Variants in LARP1B observed in about 807,000 individuals in gnomAD.
LARP1B encodes the protein la-related protein 1B.
Under a neutral mutation model 114.2 loss-of-function variants are expected in LARP1B, and 76 were observed. The ratio of observed to expected loss-of-function variants is 0.67; its 90% CI spans 0.55 to 0.81. LARP1B has a LOEUF of 0.81. LARP1B is among the 30% of genes least tolerant of loss of function. The pLI is 0.00. For synonymous variants in LARP1B, 345 were observed against 348.0 expected (o/e 0.99, Z 0.10); for missense variants, 1,014 against 1,075.8 (o/e 0.94, Z 0.80).
chr4:128,206,626 T>C, intron 18 of LARP1B, 89 bp downstream of exon 18: 1 of 1,493,260 alleles, frequency 6.7e-7, no homozygotes, highest in South Asian at 1.4e-5. Context: ...ATAGTTTTTT[T>C]CTTCAGGGCA....
intron 3 of LARP1B, among the ~76,000 whole-genome samples, chr4:128,075,941 C>T (rs1049612261): frequency 2.0e-5 from 3 of 152,146 alleles, no homozygotes; most frequent in Admixed American, 6.6e-5. Flanking sequence ...GTGCTGAAAA[C>T]GTGGCAGCTA....
intron 11 of LARP1B, chr4:128,156,069 T>G: frequency 6.3e-7 from 1 of 1,593,752 alleles, no homozygotes; most frequent in Non-Finnish European, 8.5e-7. Flanking sequence ...CCTCCCTAAC[T>G]CCTTTCACCC....
rs2150701948 is a variant in LARP1B at position 128,182,109 on chromosome 4, G to GT, written c.2003+2597_2003+2598insT. On this transcript the variant is annotated intron_variant, in intron 15 of 19. Transcript: ENST00000326639. ...TTACAGGCATGAGCCACTGCACCCG[G>GT]CCTTTTTTTTTTTTTTTTTTTTGAG... is the stretch of plus-strand genomic sequence containing the variant. Among the ~76,000 whole-genome samples, 4 of 108,404 alleles carry GT rather than the reference G, an allele frequency of 3.7e-5. 1 individual carries two copies. Among genetic ancestry groups the GT allele is most frequent in the East Asian group, 2.6e-4 (1 of 3,916 alleles). The allele number at this position is 108,404 out of a possible 152,430, so 71.1% of individuals were successfully genotyped here. A position where few individuals can be genotyped will look rare whatever the true frequency, so the allele number is the denominator to read the frequency against.
chr4:128,163,391 T>C (rs1739362336), intron 12 of LARP1B, among the ~76,000 whole-genome samples: 1 of 152,186 alleles, frequency 6.6e-6, no homozygotes, highest in African/African-American at 2.4e-5. Context: ...TAGTATTGAA[T>C]ACTATTAGGA....
chr4:128,095,920 T>C (rs908603048), intron 7 of LARP1B, among the ~76,000 whole-genome samples: 2 of 152,128 alleles, frequency 1.3e-5, no homozygotes, highest in African/African-American at 2.4e-5. Context: ...CATTCTTCTC[T>C]ATATTTTCCC....
At chr4:128,117,273 G>T (rs1384011799) in intron 10 of LARP1B, among the ~76,000 whole-genome samples, 6 of 151,050 alleles carry the variant, frequency 4.0e-5, no homozygotes, top group African/African-American at 1.5e-4. Context: ...GCAATGGTGT[G>T]ATCTTAGCTC....
intron 11 of LARP1B, among the ~76,000 whole-genome samples, chr4:128,129,158 C>A (rs1170088765): frequency 5.9e-5 from 5 of 84,554 alleles, no homozygotes; most frequent in African/African-American, 2.3e-4. Context: ...GAGCGAGACT[C>A]TGTCTCAAAA....
chr4:128,203,581 C>T (rs958834644), intron 17 of LARP1B, among the ~76,000 whole-genome samples: 4 of 152,010 alleles, frequency 2.6e-5, no homozygotes, highest in African/African-American at 9.7e-5. Context: ...ACCATATTGG[C>T]CAGGCTGGTC....
At chr4:128,141,024 C>T (rs927101157) in intron 11 of LARP1B, among the ~76,000 whole-genome samples, 6 of 152,022 alleles carry the variant, frequency 3.9e-5, no homozygotes, top group South Asian at 2.1e-4. Context: ...TCATCTTGGC[C>T]AGGCTGGTCT....
At chr4:128,207,475 T>G in intron 19 of LARP1B, 92 bp downstream of exon 19, 1 of 877,116 alleles carries the variant, frequency 1.1e-6, no homozygotes, top group Non-Finnish European at 1.6e-6. Flanking sequence ...TTGTAATTTT[T>G]ATTTTTTAAC....
intron 9 of LARP1B, chr4:128,108,997 T>A (rs1054448287): frequency 8.7e-6 from 2 of 229,738 alleles, no homozygotes; most frequent in Non-Finnish European, 1.4e-5. Flanking sequence ...ATGTCATAAA[T>A]TTTAGGTTAT....
chr4:128,133,124 GC>G (rs1792098343), intron 11 of LARP1B, among the ~76,000 whole-genome samples: 1 of 152,108 alleles, frequency 6.6e-6, no homozygotes, highest in African/African-American at 2.4e-5. Context: ...TTGCTCACTT[GC>G]CCACCCACCA....
In LARP1B at chr4:128,200,516, T is replaced by G; in HGVS notation, c.2165-5T>G. 7.0e-7 allele frequency: 1 copy of G among 1,429,530 alleles called. No homozygotes were observed. Among genetic ancestry groups the G allele is most frequent in the African/African-American group, 1.5e-5 (1 of 67,974 alleles). The allele number at this position is 1,429,530 out of a possible 1,614,324, so 88.6% of individuals were successfully genotyped here. Reference sequence around the variant, plus strand: ...TAAAATAATATTTTATTTAACTTTTTTCAGAGAGAAAACGCTTGGGAATTG... The same window carrying G: ...TAAAATAATATTTTATTTAACTTTTGTCAGAGAGAAAACGCTTGGGAATTG... On this transcript the variant is annotated splice_region_variant and splice_polypyrimidine_tract_variant and intron_variant, in intron 16 of 19. Coordinates refer to ENST00000326639, the MANE Select transcript of LARP1B (RefSeq NM_018078.4).
chr4:128,137,007 A>G (rs769753778), intron 11 of LARP1B, among the ~76,000 whole-genome samples: 7 of 152,226 alleles, frequency 4.6e-5, no homozygotes, highest in Non-Finnish European at 7.3e-5. Context: ...CAAAGAAGAA[A>G]TTAATGGAAA....
At chr4:128,149,676 A>C (rs1176026867) in intron 11 of LARP1B, among the ~76,000 whole-genome samples, 1 of 152,190 alleles carries the variant, frequency 6.6e-6, no homozygotes, top group Non-Finnish European at 1.5e-5. Context: ...TATTTATGTA[A>C]AATGTCTTTT....
At chr4:128,169,105 A>G (rs1330348629) in intron 12 of LARP1B, among the ~76,000 whole-genome samples, 1 of 151,758 alleles carries the variant, frequency 6.6e-6, no homozygotes, top group Non-Finnish European at 1.5e-5. Flanking sequence ...TTCTGTAGAG[A>G]TATCTCTTCT....
chr4:128,093,203 G>A (rs1307851866), intron 7 of LARP1B, among the ~76,000 whole-genome samples: 2 of 152,134 alleles, frequency 1.3e-5, no homozygotes, highest in African/African-American at 4.8e-5. Flanking sequence ...GTGGAGATGT[G>A]GCTTTGAAGG....
chr4:128,175,915 T>C (rs564424754), intron 12 of LARP1B, among the ~76,000 whole-genome samples: 1 of 151,692 alleles, frequency 6.6e-6, no homozygotes, highest in Non-Finnish European at 1.5e-5. Context: ...TGAGGAGAAC[T>C]AATTAGTGGG....
At chr4:128,066,165 C>CTTTTTTTTTTTTTTT (rs59927866) in intron 1 of LARP1B, among the ~76,000 whole-genome samples, 14 of 99,174 alleles carry the variant, frequency 1.4e-4, no homozygotes, top group Non-Finnish European at 2.1e-4. Flanking sequence ...TTTCTTTCTT[C>CTTTTTTTTTTTTTTT]TTTTTTTTTT....
Sources: gnomAD v4.1 joint callset for allele counts (sites outside exome capture counted in the v4.1 genomes callset) on GRCh38, gnomAD v4.1.1 for gene constraint, MANE v1.5 for transcripts, NCBI Gene and HGNC (gene_info 2026-07-23, HGNC 2026-07-21) for gene names.